The following OXR1 variants were observed in gnomAD, a reference collection of about 807,000 sequenced individuals.
OXR1 encodes oxidation resistance protein 1.
OXR1 carries 41 observed loss-of-function variants against 104.6 expected under a neutral mutation model. That is an observed-to-expected ratio of 0.39 (90% CI 0.31 to 0.51). The LOEUF (loss-of-function observed/expected upper bound fraction) is 0.51. Among genes scored for constraint, OXR1 ranks in the 20% least tolerant of loss-of-function variants. OXR1 has a pLI of 0.77. For missense variants in OXR1, 955 were observed against 1,031.9 expected, an observed-to-expected ratio of 0.93 and a Z score of 1.02; for synonymous variants, 348 against 348.4, an observed-to-expected ratio of 1.00 and a Z score of 0.01.
chr8:106,317,098 A>C (rs1323747143), intron 1 of OXR1, among the ~76,000 whole-genome samples: 1 of 152,176 alleles, frequency 6.6e-6, no homozygotes, highest in African/African-American at 2.4e-5. Context: ...AAATGGCATC[A>C]AGCCTCAATT....
chr8:106,493,270 G>A (rs1422227624), intron 2 of OXR1, among the ~76,000 whole-genome samples: 2 of 152,100 alleles, frequency 1.3e-5, no homozygotes, highest in African/African-American at 4.8e-5. Flanking sequence ...TGCCTCTGTC[G>A]GGTTCCAGTA....
chr8:106,594,006 C>G (rs1238488580), intron 3 of OXR1, among the ~76,000 whole-genome samples: 1 of 152,148 alleles, frequency 6.6e-6, no homozygotes, highest in Non-Finnish European at 1.5e-5. Context: ...ATTTAAGGTA[C>G]GTCAAACTGG....
intron 3 of OXR1, among the ~76,000 whole-genome samples, chr8:106,593,708 A>G (rs1224530848): frequency 1.3e-5 from 2 of 152,220 alleles, no homozygotes; most frequent in South Asian, 2.1e-4. Context: ...ACCAGGAGGC[A>G]GATCTTGCAG....
intron 3 of OXR1, among the ~76,000 whole-genome samples, chr8:106,525,008 G>T (rs952875657): frequency 1.3e-5 from 2 of 152,168 alleles, no homozygotes; most frequent in African/African-American, 4.8e-5. Flanking sequence ...TCTCCATACT[G>T]GTTCTCAGTT....
At chr8:106,426,869 T>C (rs1225033405) in intron 2 of OXR1, among the ~76,000 whole-genome samples, 1 of 152,196 alleles carries the variant, frequency 6.6e-6, no homozygotes, top group Non-Finnish European at 1.5e-5. Context: ...TAGAAGTATA[T>C]AAGTGAACTA....
At chr8:106,489,454 A>G (rs1330774873) in intron 2 of OXR1, among the ~76,000 whole-genome samples, 1 of 152,164 alleles carries the variant, frequency 6.6e-6, no homozygotes, top group Non-Finnish European at 1.5e-5. Flanking sequence ...GATTTCCTTT[A>G]ATAACTATGA....
At chr8:106,370,121 CT>C (rs1489509841) in intron 2 of OXR1, among the ~76,000 whole-genome samples, 1 of 152,006 alleles carries the variant, frequency 6.6e-6, no homozygotes, top group Non-Finnish European at 1.5e-5. Context: ...CACATCCCTT[CT>C]TAGCTGTGTT....
chr8:106,398,785 C>G (rs1817886308), intron 2 of OXR1, among the ~76,000 whole-genome samples: 1 of 152,148 alleles, frequency 6.6e-6, no homozygotes, highest in South Asian at 2.1e-4. Context: ...AGTTAGTTTT[C>G]ATTCATCAGG....
chr8:106,655,546 C>G (rs1824978329), intron 3 of OXR1, among the ~76,000 whole-genome samples: 1 of 151,842 alleles, frequency 6.6e-6, no homozygotes, highest in Non-Finnish European at 1.5e-5. Context: ...CCTTCTAAAG[C>G]AAGGTAGGGA....
At chr8:106,318,084 A>G (rs1223532814) in intron 1 of OXR1, among the ~76,000 whole-genome samples, 3 of 152,170 alleles carry the variant, frequency 2.0e-5, no homozygotes, top group Non-Finnish European at 2.9e-5. Context: ...TATACTGGGC[A>G]TATGTGATGC....
chr8:106,469,940 T>A (rs1821394301), intron 2 of OXR1, among the ~76,000 whole-genome samples: 1 of 151,720 alleles, frequency 6.6e-6, no homozygotes, highest in Admixed American at 6.6e-5. Context: ...CACAAATGAA[T>A]CTGCGAAACA....
rs759815313 is a variant in OXR1, at chr8:106,692,862, T to C, written c.660T>C (p.Tyr220=). The part of the protein sequence containing the change: ...TEKFLKINCK[Y]ITSGKGTVSG... ...AATTTCTTAAAATTAATTGCAAATA[T>C]ATTACCAGTGGCAAGGTAAAGAATG... Residue 220 remains tyrosine (Y), a synonymous_variant, in exon 7 of 17, where the codon TAT becomes TAC. Coordinates refer to ENST00000517566, the MANE Select transcript of OXR1 (RefSeq NM_001198533.2). 1.2e-6 allele frequency: 2 copies of C among 1,601,682 alleles called. No individual in the cohort carries two copies. The highest frequency in any genetic ancestry group is 1.7e-6 in the Non-Finnish European group (2 of 1,172,614).
chr8:106,650,969 A>G (rs1479407555), intron 3 of OXR1, among the ~76,000 whole-genome samples: 44 of 152,184 alleles, frequency 2.9e-4, no homozygotes, highest in Non-Finnish European at 4.4e-5. Context: ...GTCACCACTT[A>G]GGTTATTTTC....
rs200091052 is a variant in OXR1 at position 106,750,879 on chromosome 8, C to T, written c.2560C>T (p.Arg854Cys). The change falls in exon 17 of 17, where the codon CGT (arginine) becomes TGT (cysteine). Residue 854 changes from arginine to cysteine, a missense_variant. Physicochemically the swap from Arg to Cys is radical, Grantham distance 180 (BLOSUM62 -3). Around this residue, in one of 2 missense-constraint regions of OXR1, gnomAD observed 106 missense variants for 179.0 expected, o/e 0.59. Coordinates refer to ENST00000517566, the MANE Select transcript of OXR1 (RefSeq NM_001198533.2). Reference protein sequence around the residue: ...RSHSCKTFGNRTLSKKEDFFI... With the variant: ...RSHSCKTFGNCTLSKKEDFFI... ...CCATTCTTGTAAAACGTTTGGGAAT[C>T]GTACACTTTCTAAGAAGGAAGATTT... 96 of 1,606,120 alleles carry T rather than the reference C, an allele frequency of 6.0e-5. No homozygotes were observed. The highest frequency in any genetic ancestry group is 7.7e-5 in the Non-Finnish European group (90 of 1,174,200).
chr8:106,410,960 C>A, intron 2 of OXR1, among the ~76,000 whole-genome samples: 1 of 152,006 alleles, frequency 6.6e-6, no homozygotes, highest in South Asian at 2.1e-4. Context: ...TTTAATACAC[C>A]ATTATTGAGT....
intron 6 of OXR1, among the ~76,000 whole-genome samples, chr8:106,685,514 C>A (rs1209260837): frequency 1.3e-5 from 2 of 152,076 alleles, no homozygotes; most frequent in Non-Finnish European, 2.9e-5. Flanking sequence ...AAGGCCAGGC[C>A]TCAACCTGTG....
intron 2 of OXR1, among the ~76,000 whole-genome samples, chr8:106,388,925 G>C (rs1225648422): frequency 6.6e-6 from 1 of 152,106 alleles, no homozygotes; most frequent in Non-Finnish European, 1.5e-5. Flanking sequence ...TCCCACTTTA[G>C]GGTAGTTTCT....
At chr8:106,277,582 G>A (rs1403512254) in intron 1 of OXR1, among the ~76,000 whole-genome samples, 1 of 152,234 alleles carries the variant, frequency 6.6e-6, no homozygotes, top group Non-Finnish European at 1.5e-5. Flanking sequence ...TGTAAGTGGA[G>A]CCGGGAGCTC....
intron 1 of OXR1, chr8:106,272,697 A>C (rs1203876254): frequency 2.0e-5 from 3 of 152,186 alleles, no homozygotes. Context: ...ACGTTTTTGA[A>C]ATATACCCTT....
Sources: gnomAD v4.1 joint callset for allele counts (sites outside exome capture counted in the v4.1 genomes callset) on GRCh38, gnomAD v4.1.1 for gene constraint, gnomAD v4.1.1 regional missense constraint, MANE v1.5 for transcripts, NCBI Gene and HGNC (gene_info 2026-07-23, HGNC 2026-07-21) for gene names.